The following DOK7 variants were observed in gnomAD, a reference collection of about 807,000 sequenced individuals.
The protein encoded by DOK7 is docking protein 7.
A neutral mutation model predicts 30.7 loss-of-function variants in DOK7; 32 were observed. That is an observed-to-expected ratio of 1.04 (90% CI 0.79 to 1.40). DOK7 has a LOEUF of 1.40. Among genes scored for constraint, DOK7 ranks in the 40% most tolerant of loss-of-function variants. The pLI is 0.00. For missense variants in DOK7, 1,007 were observed against 699.2 expected, an observed-to-expected ratio of 1.44 and a Z score of -4.97; for synonymous variants, 447 against 324.1, an observed-to-expected ratio of 1.38 and a Z score of -4.07.
At chr4:3,491,527 TCA>T (rs1728448926) in intron 6 of DOK7, among the ~76,000 whole-genome samples, 1 of 148,122 alleles carries the variant, frequency 6.8e-6, no homozygotes, top group Non-Finnish European at 1.5e-5. Context: ...GTCTGTTCAT[TCA>T]TTTCTTCCTT....
intron 2 of DOK7, among the ~76,000 whole-genome samples, chr4:3,468,831 GTGTGTGCGTGTA>G (rs1726533834): frequency 6.6e-6 from 1 of 150,528 alleles, no homozygotes; most frequent in African/African-American, 2.4e-5. Flanking sequence ...CATGGAGTGT[GTGTGTGCGTGTA>G]TGTGTGTGCG....
At chr4:3,495,240 A>G (rs1577188044), downstream of DOK7, among the ~76,000 whole-genome samples, 1 of 151,928 alleles carries the variant, frequency 6.6e-6, no homozygotes, top group Non-Finnish European at 1.5e-5. Flanking sequence ...TGCTGCTGTC[A>G]CCTCCGGAGG....
intron 4 of DOK7, among the ~76,000 whole-genome samples, chr4:3,483,097 G>A: frequency 7.2e-6 from 1 of 138,422 alleles, no homozygotes; most frequent in South Asian, 2.6e-4. Flanking sequence ...CTCCTGAGTG[G>A]AGATGTAGGG....
rs1410897618 is a variant in DOK7 at position 3,493,704 on chromosome 4, C to T, written c.*203C>T. On this transcript the variant is annotated 3_prime_UTR_variant, in exon 7 of 7. Coordinates refer to ENST00000340083, the MANE Select transcript of DOK7 (RefSeq NM_173660.5). ...ACTTGGGGAGGTGAGTTCTGGAAGG[C>T]AGGGGCTCTGGGTCCGGCAGGTCGG... The T allele has an allele frequency of 1.4e-6, 2 of 1,435,756 alleles. No homozygotes were observed. Among genetic ancestry groups the T allele is most frequent in the Non-Finnish European group, 1.8e-6 (2 of 1,097,402 alleles). The allele number at this position is 1,435,756 out of a possible 1,614,324, so 88.9% of individuals were successfully genotyped here.
In DOK7 at chr4:3,492,948, CGCTGCGTCCGCGGCA is replaced by C. The variant is rs1560232410; in HGVS notation, c.968_982del (p.Arg323_Leu327del). 6.4e-7 allele frequency: 1 copy of C among 1,553,754 alleles called. No individual in the cohort carries two copies. The highest frequency in any genetic ancestry group is 8.7e-7 in the Non-Finnish European group (1 of 1,152,220). On this transcript the variant is annotated inframe_deletion, in exon 7 of 7. Transcript: ENST00000340083. Reference sequence around the variant, plus strand: ...GGTGCCTCAAGGCCACCCCCCAAGCCGCTGCGTCCGCGGCAGCTGCAGGAGGTTGGCCGCCAGAGC... The same window carrying C: ...GGTGCCTCAAGGCCACCCCCCAAGCCGCTGCAGGAGGTTGGCCGCCAGAGC...
At chr4:3,501,107 G>A (rs1729164771) in exon 8 of DOK7, 8 of 494,194 alleles carry the variant, frequency 1.6e-5, no homozygotes, top group East Asian at 1.4e-4. Flanking sequence ...AGGCAGCTCT[G>A]GTAGCTGCTG....
At position 3,476,608 on chromosome 4, in the gene DOK7, G is replaced by A. The variant is rs1335183930; in HGVS notation, c.532+66G>A. The A allele has an allele frequency of 3.7e-6, 6 of 1,601,248 alleles. No individual in the cohort carries two copies. The African/African-American group carries it at 4.0e-5, about 11-fold the overall frequency. ...CCCCCACTTCCCCTGAGAACTGCTGGCTTCGGGCCGGCCGACCCCACTTGC... is the reference window on the plus strand; with the variant it reads ...CCCCCACTTCCCCTGAGAACTGCTGACTTCGGGCCGGCCGACCCCACTTGC... On this transcript the variant is annotated intron_variant, in intron 4 of 6. Transcript: ENST00000340083.
chr4:3,492,663 G>C, intron 6 of DOK7, 96 bp from the exon 7 acceptor site: 2 of 1,550,056 alleles, frequency 1.3e-6, no homozygotes. Flanking sequence ...GGCGAGACCA[G>C]AGAGTGCTGG....
chr4:3,465,368 C>A (rs551018542), intron 2 of DOK7, among the ~76,000 whole-genome samples: 5 of 152,312 alleles, frequency 3.3e-5, no homozygotes, highest in African/African-American at 1.2e-4. Flanking sequence ...TCCCGCTCAG[C>A]GCTGGAGACC....
intron 2 of DOK7, 131 bp downstream of exon 2, chr4:3,463,682 C>T (rs781432350): frequency 3.0e-5 from 36 of 1,181,774 alleles, no homozygotes; most frequent in Non-Finnish European, 4.1e-5. Flanking sequence ...GAGCCCCGTG[C>T]GGACCCGGAC....
At chr4:3,484,250 G>A (rs1043137240) in intron 4 of DOK7, among the ~76,000 whole-genome samples, 1 of 152,226 alleles carries the variant, frequency 6.6e-6, no homozygotes, top group Non-Finnish European at 1.5e-5. Flanking sequence ...TCGCCCTCGT[G>A]TGCCCGGGGT....
At chr4:3,477,985 C>T (rs899150167) in intron 4 of DOK7, among the ~76,000 whole-genome samples, 9 of 152,252 alleles carry the variant, frequency 5.9e-5, no homozygotes, top group Middle Eastern at 6.8e-3. Flanking sequence ...AGTGGGTGGG[C>T]CCAGCGTCCC....
At position 3,476,485 on chromosome 4, in the gene DOK7, C is replaced by T. The variant is rs368891521; in HGVS notation, c.475C>T (p.Arg159Cys). 2.9e-5 allele frequency: 46 copies of T among 1,613,882 alleles called. No homozygotes were observed. The highest frequency in any genetic ancestry group is 6.6e-5 in the South Asian group (6 of 91,066). Reference protein sequence around the residue: ...TGQWKLSDLRRYGAVPSGFIF... With the variant: ...TGQWKLSDLRCYGAVPSGFIF... Reference sequence around the variant, plus strand: ...GCAGTGGAAGCTGTCTGACCTCCGGCGCTACGGGGCCGTGCCAAGCGGATT... The same window carrying T: ...GCAGTGGAAGCTGTCTGACCTCCGGTGCTACGGGGCCGTGCCAAGCGGATT... The change falls in exon 4 of 7, where the codon CGC (arginine) becomes TGC (cysteine). Residue 159 changes from arginine (R) to cysteine (C), a missense_variant. Arg to Cys is a radical substitution (Grantham distance 180). Coordinates refer to ENST00000340083, the MANE Select transcript of DOK7 (RefSeq NM_173660.5).
Position 3,463,458 on chromosome 4 carries a change from G to C in DOK7, c.54+29G>C, listed in dbSNP as rs767030857. 471 of 1,424,582 alleles carry C rather than the reference G, an allele frequency of 3.3e-4. 4 individuals are homozygous for C. The highest frequency in any genetic ancestry group is 3.2e-4 in the African/African-American group (21 of 66,322). 88.2% of individuals were successfully genotyped at this position (1,424,582 alleles called of 1,614,324 possible). On this transcript the variant is annotated intron_variant, in intron 1 of 6. Transcript: ENST00000340083. ...GGGGCGCGTCGGGGGCGCGGGGGGGGGGGGCGCGGGCGCGGGCGGCGGCTC... is the reference window on the plus strand; with the variant it reads ...GGGGCGCGTCGGGGGCGCGGGGGGGCGGGGCGCGGGCGCGGGCGGCGGCTC...
downstream of DOK7, chr4:3,496,838 C>T (rs1056509718): frequency 4.6e-6 from 7 of 1,535,648 alleles, no homozygotes; most frequent in Non-Finnish European, 6.1e-6. Context: ...AGCCTCAGCC[C>T]CAGGACCTGC....
chr4:3,467,194 C>CCG (rs1726339299), intron 2 of DOK7, among the ~76,000 whole-genome samples: 1 of 151,828 alleles, frequency 6.6e-6, no homozygotes, highest in Non-Finnish European at 1.5e-5. Context: ...GGGACCCCCC[C>CCG]CACTGCGTCC....
downstream of DOK7, among the ~76,000 whole-genome samples, chr4:3,498,569 C>T (rs554094671): frequency 3.3e-4 from 51 of 152,326 alleles, no homozygotes; most frequent in African/African-American, 1.0e-3. Context: ...CCTTTCCAGA[C>T]GCCAGGCCCC....
At position 3,494,415 on chromosome 4, in the gene DOK7, T is replaced by C; in HGVS notation, c.*914T>C. The C allele has an allele frequency of 1.0e-6, 1 of 985,816 alleles. No homozygotes were observed. The highest frequency in any genetic ancestry group is 4.7e-5 in the South Asian group (1 of 21,304). 61.1% of individuals were successfully genotyped at this position (985,816 alleles called of 1,614,324 possible). A position where few individuals can be genotyped will look rare whatever the true frequency, so the allele number is the denominator to read the frequency against. On this transcript the variant is annotated 3_prime_UTR_variant, in exon 7 of 7. Coordinates refer to ENST00000340083, the MANE Select transcript of DOK7 (RefSeq NM_173660.5). ...TCCCTGTGAACACCTCTTTGTCCCT[T>C]CACTGTCAGCTGTTTCTAAACCCAG...
intron 4 of DOK7, chr4:3,484,765 G>C: frequency 3.0e-6 from 3 of 985,522 alleles, no homozygotes; most frequent in Non-Finnish European, 2.4e-6. Context: ...GGCAGCTCCA[G>C]CTTCCCCTGA....
Sources: gnomAD v4.1 joint callset for allele counts (sites outside exome capture counted in the v4.1 genomes callset) on GRCh38, gnomAD v4.1.1 for gene constraint, MANE v1.5 for transcripts, NCBI Gene and HGNC (gene_info 2026-07-23, HGNC 2026-07-21) for gene names.